Variants in LRBA observed in about 807,000 individuals in gnomAD.
LRBA encodes lipopolysaccharide-responsive and beige-like anchor protein.
A neutral mutation model predicts 330.0 loss-of-function variants in LRBA; 176 were observed. The observed-to-expected ratio is 0.53, with a 90% CI of 0.47 to 0.60. LRBA has a LOEUF of 0.60. LRBA is among the 20% of genes least tolerant of loss of function. The probability of loss-of-function intolerance (pLI) is 0.00; values close to 1 mark genes in which losing one functional copy is unlikely to be tolerated. For missense variants in LRBA, 3,259 were observed against 3,444.8 expected, an observed-to-expected ratio of 0.95 and a Z score of 1.35; for synonymous variants, 1,230 against 1,193.0, an observed-to-expected ratio of 1.03 and a Z score of -0.64.
At chr4:150,454,967 ATTTTATT>A (rs1488036934) in intron 44 of LRBA, among the ~76,000 whole-genome samples, 13 of 123,772 alleles carry the variant, frequency 1.1e-4, no homozygotes, top group African/African-American at 3.4e-4. Context: ...CTCCAGTTTT[ATTTTATT>A]TTTTATTTTT....
At chr4:150,484,840 G>A (rs933334703) in intron 42 of LRBA, among the ~76,000 whole-genome samples, 3 of 151,514 alleles carry the variant, frequency 2.0e-5, no homozygotes, top group Non-Finnish European at 4.4e-5. Flanking sequence ...ATTTCTATAG[G>A]TTGTGCTGTT....
chr4:150,805,575 GGA>G (rs1560842732), intron 33 of LRBA, among the ~76,000 whole-genome samples: 1 of 119,932 alleles, frequency 8.3e-6, no homozygotes, highest in East Asian at 2.4e-4. Flanking sequence ...GGAAAGGAAA[GGA>G]AAGGAAAGGA....
In LRBA at chr4:150,784,257, TAGAG is replaced by T. The variant is rs1333455141; in HGVS notation, c.5580+13820_5580+13823del. 9.2e-5 allele frequency among the ~76,000 whole-genome samples: 14 copies of T among 152,312 alleles called. No homozygotes were observed. In the East Asian group the frequency reaches 1.5e-3, roughly 17 times the overall value. On this transcript the variant is annotated intron_variant, in intron 34 of 56. Transcript: ENST00000651943. ...TTATTAAGAAATTATTTTAGGCAGA[TAGAG>T]AGGAAAAGGGGTCCTCGGGAAGTTT...
At chr4:150,985,065 C>G (rs1029496669) in intron 2 of LRBA, among the ~76,000 whole-genome samples, 5 of 152,074 alleles carry the variant, frequency 3.3e-5, no homozygotes, top group Non-Finnish European at 7.4e-5. Context: ...CAAGACCAGC[C>G]TGGCCAACAT....
At chr4:150,548,477 C>T (rs1357558085) in intron 40 of LRBA, among the ~76,000 whole-genome samples, 1 of 152,098 alleles carries the variant, frequency 6.6e-6, no homozygotes, top group Non-Finnish European at 1.5e-5. Context: ...TGTCTACATA[C>T]TCTACCAAAA....
intron 56 of LRBA, among the ~76,000 whole-genome samples, chr4:150,275,649 C>G (rs1051282135): frequency 4.6e-5 from 7 of 151,656 alleles, no homozygotes; most frequent in African/African-American, 7.3e-5. Context: ...AGACAAACAG[C>G]CAAATCATGA....
At chr4:150,492,831 G>A (rs1259960446) in intron 40 of LRBA, among the ~76,000 whole-genome samples, 5 of 151,940 alleles carry the variant, frequency 3.3e-5, no homozygotes, top group Non-Finnish European at 7.4e-5. Flanking sequence ...TCTCCACATG[G>A]TTCACTCATT....
Position 150,906,318 on chromosome 4 carries a change from T to C in LRBA, c.1581A>G (p.Val527=), listed in dbSNP as rs746923230. The change falls in exon 12 of 57, where the codon GTA becomes GTG. Residue 527 remains valine, a synonymous_variant. Coordinates refer to ENST00000651943, the MANE Select transcript of LRBA (RefSeq NM_001364905.1). The part of the protein sequence containing the change: ...EQMLACKGFL[V]IGYSLEKSSK... The stretch of plus-strand genomic sequence containing the variant: ...TTACCTTTTCAAGGCTATATCCTAT[T>C]ACCAAGAAGCCCTTACAGGCAAGCA... The C allele has an allele frequency of 6.2e-7, 1 of 1,603,416 alleles. No individual in the cohort carries two copies. The highest frequency in any genetic ancestry group is 1.1e-5 in the South Asian group (1 of 90,508).
At chr4:150,808,221 T>C (rs1021649659) in intron 32 of LRBA, 99 bp downstream of exon 32, 14 of 734,020 alleles carry the variant, frequency 1.9e-5, no homozygotes, top group African/African-American at 3.5e-5. Context: ...AAGAAAGAAA[T>C]GAAATGAAAT....
chr4:150,576,962 G>A (rs1770623747), intron 40 of LRBA, among the ~76,000 whole-genome samples: 1 of 151,810 alleles, frequency 6.6e-6, no homozygotes, highest in South Asian at 2.1e-4. Flanking sequence ...AGGCTATTTT[G>A]TGAGGGGGGA....
intron 40 of LRBA, among the ~76,000 whole-genome samples, chr4:150,497,292 C>T (rs1221491310): frequency 6.6e-6 from 1 of 152,070 alleles, no homozygotes; most frequent in Admixed American, 6.6e-5. Context: ...AACCATATGA[C>T]TTTTGGTTTT....
At chr4:150,335,610 G>T (rs1007897519) in intron 48 of LRBA, among the ~76,000 whole-genome samples, 9 of 151,524 alleles carry the variant, frequency 5.9e-5, no homozygotes, top group African/African-American at 2.2e-4. Context: ...TAAGCTATCA[G>T]TAAGTGTGTG....
At chr4:150,330,888 A>G (rs1422441146) in intron 48 of LRBA, among the ~76,000 whole-genome samples, 1 of 152,194 alleles carries the variant, frequency 6.6e-6, no homozygotes, top group African/African-American at 2.4e-5. Context: ...TGGCTCATCT[A>G]TGGTTGGACT....
In LRBA at chr4:150,867,779, T is replaced by C. The variant is rs1456698566; in HGVS notation, c.2658A>G (p.Ile886Met). 1 of 1,613,884 alleles carries C rather than the reference T, an allele frequency of 6.2e-7. No individual in the cohort carries two copies. The highest frequency in any genetic ancestry group is 1.7e-5 in the Admixed American group (1 of 60,006). Residue 886 changes from isoleucine (I) to methionine (M), a missense_variant, in exon 22 of 57, where the codon ATA (isoleucine) becomes ATG (methionine). Coordinates refer to ENST00000651943, the MANE Select transcript of LRBA (RefSeq NM_001364905.1). ...TGAATATGGCGTATACCATTTCTGT[T>C]ATCTTTTGCTCATCTGAATTCTTAG... ...FNPKNSDEQK[I>M]TEMVYAIFRI...
At chr4:150,711,049 C>T (rs559814330) in intron 36 of LRBA, among the ~76,000 whole-genome samples, 1 of 151,650 alleles carries the variant, frequency 6.6e-6, no homozygotes, top group Non-Finnish European at 1.5e-5. Flanking sequence ...AAGAAAGCTA[C>T]ATCAAAAAAA....
At chr4:150,392,729 G>A (rs1033397846) in intron 47 of LRBA, among the ~76,000 whole-genome samples, 2 of 151,772 alleles carry the variant, frequency 1.3e-5, no homozygotes, top group Non-Finnish European at 2.9e-5. Flanking sequence ...TTTTGGGGCT[G>A]AGAATATGGG....
rs893110507 is a variant in LRBA, at chr4:150,840,952, A to T, written c.4569+3148T>A. 1.2e-5 allele frequency: 14 copies of T among 1,181,984 alleles called. No individual in the cohort carries two copies. The African/African-American group carries it at 1.4e-4, about 12-fold the overall frequency. The allele number at this position is 1,181,984 out of a possible 1,614,324, so 73.2% of individuals were successfully genotyped here. On this transcript the variant is annotated intron_variant, in intron 28 of 56. Coordinates refer to ENST00000651943, the MANE Select transcript of LRBA (RefSeq NM_001364905.1). ...TTCAGAAAAATAGAAGATAGGCTCA[A>T]TTTGAACATATCCACTTGATGCAAT...
chr4:151,014,278 A>T, intron 2 of LRBA, 149 bp downstream of exon 2: 1 of 604,948 alleles, frequency 1.7e-6, no homozygotes. Context: ...AACAGATGAA[A>T]TTGTTTCATT....
intron 36 of LRBA, among the ~76,000 whole-genome samples, chr4:150,693,051 C>T (rs984046565): frequency 1.3e-5 from 2 of 151,990 alleles, no homozygotes; most frequent in Non-Finnish European, 2.9e-5. Context: ...TAATGGTCTA[C>T]ATATTCGGAA....
Sources: allele counts gnomAD v4.1 joint callset (sites outside exome capture counted in the v4.1 genomes callset), GRCh38; gene constraint gnomAD v4.1.1; transcripts MANE v1.5; gene names NCBI Gene and HGNC (gene_info 2026-07-23, HGNC 2026-07-21).